Variants in FDX1 observed in about 807,000 individuals in gnomAD.
FDX1 encodes adrenodoxin, mitochondrial.
FDX1 carries 9 observed loss-of-function variants against 14.9 expected under a neutral mutation model. That is an observed-to-expected ratio of 0.60 (90% CI 0.36 to 1.05). The LOEUF is 1.05. Among genes scored for constraint, FDX1 ranks in the 50% least tolerant of loss-of-function variants. The pLI, the probability that FDX1 is intolerant of heterozygous loss-of-function variation, is 0.01. For missense variants in FDX1, 204 were observed against 237.2 expected, an observed-to-expected ratio of 0.86 and a Z score of 0.92; for synonymous variants, 92 against 99.4, an observed-to-expected ratio of 0.93 and a Z score of 0.44.
At chr11:110,438,947 A>C (rs1946388093) in intron 2 of FDX1, among the ~76,000 whole-genome samples, 1 of 152,104 alleles carries the variant, frequency 6.6e-6, no homozygotes, top group Admixed American at 6.5e-5. Flanking sequence ...TCTGTCGCCC[A>C]GGCTAGAGTG....
rs959759442 is a variant in FDX1, at chr11:110,460,609, G to A, written c.441-1745G>A. Reference sequence around the variant, plus strand: ...TCAGAGCCATTTGGCTTTCTCCCTCGGTGGCATTTGCCACAGTCTCACATG... The same window carrying A: ...TCAGAGCCATTTGGCTTTCTCCCTCAGTGGCATTTGCCACAGTCTCACATG... On this transcript the variant is annotated intron_variant, in intron 3 of 3. Transcript: ENST00000260270. 4.9e-4 allele frequency among the ~76,000 whole-genome samples: 75 copies of A among 152,080 alleles called. 2 individuals are homozygous for A. Among genetic ancestry groups the A allele is most frequent in the Non-Finnish European group, 4.4e-5 (3 of 68,024 alleles).
Position 110,459,513 on chromosome 11 carries a change from C to G in FDX1, c.440+2466C>G, listed in dbSNP as rs1464795957. ...AAGGCTGCACAGCTAGTGGGTAACA[C>G]CCCTGATTTAAATCCAGCTGTGTTG... On this transcript the variant is annotated intron_variant, in intron 3 of 3. Transcript: ENST00000260270. Among the ~76,000 whole-genome samples, 3 of 152,190 alleles carry G rather than the reference C, an allele frequency of 2.0e-5. No homozygotes were observed. In the East Asian group the frequency reaches 5.8e-4, roughly 29 times the overall value.
At chr11:110,452,262 T>A (rs753305277) in intron 2 of FDX1, among the ~76,000 whole-genome samples, 2 of 152,002 alleles carry the variant, frequency 1.3e-5, no homozygotes, top group Admixed American at 6.6e-5. Flanking sequence ...ATTAAAAACT[T>A]TTGTTCTTCC....
chr11:110,457,187 A>G, intron 3 of FDX1, 140 bp downstream of exon 3: 1 of 700,260 alleles, frequency 1.4e-6, no homozygotes, highest in South Asian at 2.4e-5. Flanking sequence ...TGAGTATCAG[A>G]TATGTGGCAT....
rs370022533 is a variant in FDX1, at chr11:110,457,882, T to A, written c.440+835T>A. ...GTATTTATTTAGAGAAGAAGAATCA[T>A]TTTGTTCCTTTTATAGTTCATTTCC... On this transcript the variant is annotated intron_variant, in intron 3 of 3. Coordinates refer to ENST00000260270, the MANE Select transcript of FDX1 (RefSeq NM_004109.5). 1.2e-3 allele frequency among the ~76,000 whole-genome samples: 179 copies of A among 152,310 alleles called. 1 individual carries two copies. The highest frequency in any genetic ancestry group is 4.2e-3 in the African/African-American group (173 of 41,558).
intron 1 of FDX1, among the ~76,000 whole-genome samples, chr11:110,435,498 T>G (rs1946362358): frequency 6.6e-6 from 1 of 152,236 alleles, no homozygotes; most frequent in Admixed American, 6.5e-5. Context: ...GCTTATTACC[T>G]GGTAGGTGGG....
intron 1 of FDX1, among the ~76,000 whole-genome samples, chr11:110,433,445 C>T (rs902674883): frequency 2.6e-5 from 4 of 152,060 alleles, no homozygotes; most frequent in South Asian, 2.1e-4. Context: ...TTTTTCTTTC[C>T]GCTTTTCAGT....
At chr11:110,434,334 A>ATTTGCTTTTTTTTT (rs71476086) in intron 1 of FDX1, among the ~76,000 whole-genome samples, 3 of 126,408 alleles carry the variant, frequency 2.4e-5, no homozygotes, top group African/African-American at 3.0e-5. Context: ...CGCCCTATTG[A>ATTTGCTTTTTTTTT]TTTTTTTTTT....
chr11:110,437,521 A>G (rs73564147), intron 2 of FDX1, among the ~76,000 whole-genome samples: 21,719 of 152,180 alleles, frequency 0.14, 1,701 homozygotes, highest in East Asian at 0.25. Context: ...AAGATGGTAT[A>G]TCTCATTGTG....
At chr11:110,446,697 A>C (rs575530014) in intron 2 of FDX1, among the ~76,000 whole-genome samples, 1 of 151,680 alleles carries the variant, frequency 6.6e-6, no homozygotes, top group Admixed American at 6.6e-5. Flanking sequence ...GTCCATCGGC[A>C]CCTCCTGCCA....
intron 1 of FDX1, among the ~76,000 whole-genome samples, chr11:110,432,931 T>C (rs1222879040): frequency 6.6e-6 from 1 of 152,254 alleles, no homozygotes; most frequent in Admixed American, 6.5e-5. Context: ...ACCAACAGGT[T>C]GGGCTTCTTA....
intron 2 of FDX1, among the ~76,000 whole-genome samples, chr11:110,442,651 G>C (rs1946412198): frequency 6.6e-6 from 1 of 152,196 alleles, no homozygotes; most frequent in South Asian, 2.1e-4. Flanking sequence ...ACTTGCTTTT[G>C]ATTTTACAGG....
chr11:110,446,630 T>G (rs1946451668), intron 2 of FDX1, among the ~76,000 whole-genome samples: 1 of 152,184 alleles, frequency 6.6e-6, no homozygotes, highest in Non-Finnish European at 1.5e-5. Context: ...ACCCGGCTGC[T>G]CGAACCTGAA....
In FDX1 at chr11:110,462,650, G is replaced by A. The variant is rs184929295; in HGVS notation, c.*182G>A. On this transcript the variant is annotated 3_prime_UTR_variant, in exon 4 of 4. Transcript: ENST00000260270. ...TTGAAAGTATGCAATTTTTATTTTG[G>A]TTATATTACAAAAATGTCAATCAAA... 2.4e-5 allele frequency: 9 copies of A among 377,122 alleles called. No individual in the cohort carries two copies. Among genetic ancestry groups the A allele is most frequent in the Non-Finnish European group, 9.4e-6 (2 of 212,244 alleles). 23.4% of individuals were successfully genotyped at this position (377,122 alleles called of 1,614,324 possible).
At position 110,430,073 on chromosome 11, in the gene FDX1, C is replaced by T; in HGVS notation, c.-48C>T. 1.7e-6 allele frequency: 2 copies of T among 1,194,406 alleles called. No homozygotes were observed. The highest frequency in any genetic ancestry group is 4.0e-5 in the South Asian group (1 of 25,108). 74.0% of individuals were successfully genotyped at this position (1,194,406 alleles called of 1,614,324 possible). Reference sequence around the variant, plus strand: ...CCCGCCTCTTTGGAGTCTCTCGCGGCCTCAAAGCGCGGCCTGCGTCGCTTC... The same window carrying T: ...CCCGCCTCTTTGGAGTCTCTCGCGGTCTCAAAGCGCGGCCTGCGTCGCTTC... On this transcript the variant is annotated 5_prime_UTR_variant, in exon 1 of 4. Transcript: ENST00000260270.
intron 3 of FDX1, among the ~76,000 whole-genome samples, chr11:110,457,326 A>G (rs1175130733): frequency 6.6e-6 from 1 of 152,192 alleles, no homozygotes; most frequent in African/African-American, 2.4e-5. Context: ...CCAGGAACTA[A>G]TATGTATCAC....
At chr11:110,457,069 A>C in intron 3 of FDX1, 22 bp downstream of exon 3, 1 of 1,596,972 alleles carries the variant, frequency 6.3e-7, no homozygotes, top group Non-Finnish European at 8.6e-7. Context: ...GGACTGCTTC[A>C]ATTGTAATAA....
chr11:110,456,777 G>A (rs748609851), intron 2 of FDX1, 141 bp from the exon 3 acceptor site: 15 of 778,902 alleles, frequency 1.9e-5, no homozygotes, highest in Non-Finnish European at 2.3e-5. Flanking sequence ...CTAAAGTGCT[G>A]GGATTACAGG....
intron 3 of FDX1, among the ~76,000 whole-genome samples, chr11:110,461,279 T>C (rs1946554577): frequency 6.6e-6 from 1 of 152,066 alleles, no homozygotes; most frequent in Admixed American, 6.5e-5. Flanking sequence ...ATAGATCACT[T>C]GAGCCCAGGA....
Sources: gnomAD v4.1 joint callset for allele counts (sites outside exome capture counted in the v4.1 genomes callset) on GRCh38, gnomAD v4.1.1 for gene constraint, MANE v1.5 for transcripts, NCBI Gene and HGNC (gene_info 2026-07-23, HGNC 2026-07-21) for gene names.